The following GCNT2 variants were observed in gnomAD, a reference collection of about 807,000 sequenced individuals.
GCNT2 encodes the protein glucosaminyl (N-acetyl) transferase 2 (I blood group).
Under a neutral mutation model 34.2 loss-of-function variants are expected in GCNT2, and 34 were observed. The ratio of observed to expected loss-of-function variants is 1.00; its 90% CI spans 0.76 to 1.32. GCNT2 has a LOEUF of 1.32. Ranked by LOEUF, GCNT2 falls within the 40% of genes most tolerant of loss-of-function variation. GCNT2 has a pLI of 0.00. For synonymous variants in GCNT2, 212 were observed against 188.0 expected (o/e 1.13, Z -1.04); for missense variants, 584 against 489.4 (o/e 1.19, Z -1.82).
chr6:10,557,282 T>C, intron 3 of GCNT2: 1 of 1,613,292 alleles, frequency 6.2e-7, no homozygotes. Context: ...TTTGCTCCAG[T>C]GGTCCAAGGA....
intron 3 of GCNT2, among the ~76,000 whole-genome samples, chr6:10,554,117 C>T (rs536289127): frequency 6.6e-6 from 1 of 152,314 alleles, no homozygotes; most frequent in African/African-American, 2.4e-5. Context: ...GGAGGGCTGA[C>T]TTGTTCAGTC....
chr6:10,584,284 T>C (rs1185940222), intron 3 of GCNT2, among the ~76,000 whole-genome samples: 1 of 152,216 alleles, frequency 6.6e-6, no homozygotes, highest in Non-Finnish European at 1.5e-5. Context: ...GCTAGATTTA[T>C]ATTTAACTTT....
rs1249608111 is a variant in GCNT2, at chr6:10,627,179, A to G, written c.*572A>G. ...CTTACTCATGGACAAAGTTCTGTAT[A>G]TAGTATAAAGTCATTAACAAGAAAC... On this transcript the variant is annotated 3_prime_UTR_variant, in exon 5 of 5. Transcript: ENST00000495262. 2 of 158,084 alleles carry G rather than the reference A, an allele frequency of 1.3e-5. No individual in the cohort carries two copies. The highest frequency in any genetic ancestry group is 4.8e-5 in the African/African-American group (2 of 41,472). 9.8% of individuals were successfully genotyped at this position (158,084 alleles called of 1,614,324 possible). A position where few individuals can be genotyped will look rare whatever the true frequency, so the allele number is the denominator to read the frequency against.
At chr6:10,607,808 A>G (rs904896073) in intron 3 of GCNT2, among the ~76,000 whole-genome samples, 7 of 152,332 alleles carry the variant, frequency 4.6e-5, no homozygotes, top group Non-Finnish European at 1.0e-4. Flanking sequence ...GGTTTTAAGT[A>G]TATTATGTAC....
chr6:10,574,362 T>C (rs1168672914), intron 3 of GCNT2, among the ~76,000 whole-genome samples: 1 of 152,248 alleles, frequency 6.6e-6, no homozygotes, highest in Admixed American at 6.5e-5. Context: ...AGGTAGTTTC[T>C]ATTACCTTCA....
intron 3 of GCNT2, among the ~76,000 whole-genome samples, chr6:10,590,659 T>C (rs1764598739): frequency 6.6e-6 from 1 of 151,880 alleles, no homozygotes; most frequent in South Asian, 2.1e-4. Context: ...GTTCAAGCGA[T>C]TCTCCTGCCT....
chr6:10,586,859 A>C (rs572358396), intron 3 of GCNT2: 2 of 1,613,930 alleles, frequency 1.2e-6, no homozygotes, highest in African/African-American at 1.3e-5. Context: ...TACAATGGTC[A>C]AAAGATACCT....
chr6:10,523,972 CAAAAA>C (rs774638226), intron 1 of GCNT2, among the ~76,000 whole-genome samples: 10 of 68,360 alleles, frequency 1.5e-4, no homozygotes, highest in South Asian at 6.6e-4. Context: ...GACTCTGTCT[CAAAAA>C]AAAAAAAAAA....
At chr6:10,527,808 A>G (rs201378348) in intron 2 of GCNT2, 148 bp downstream of exon 2, 2 of 152,086 alleles carry the variant, frequency 1.3e-5, no homozygotes, top group Admixed American at 1.3e-4. Context: ...TGGACTCTGT[A>G]TATGTTATCT....
intron 3 of GCNT2, among the ~76,000 whole-genome samples, chr6:10,577,516 G>A (rs1050252477): frequency 1.3e-5 from 2 of 152,156 alleles, no homozygotes; most frequent in African/African-American, 4.8e-5. Context: ...TGGTTCCATG[G>A]TTTGTTGAAT....
chr6:10,530,836 C>T (rs567529443), intron 3 of GCNT2, among the ~76,000 whole-genome samples: 1 of 152,084 alleles, frequency 6.6e-6, no homozygotes, highest in African/African-American at 2.4e-5. Flanking sequence ...GGGCGGATCA[C>T]AAGGTCAGGA....
At chr6:10,526,989 TAGA>T (rs1203402061) in intron 1 of GCNT2, among the ~76,000 whole-genome samples, 1 of 152,030 alleles carries the variant, frequency 6.6e-6, no homozygotes, top group Non-Finnish European at 1.5e-5. Flanking sequence ...TAATAAAAGT[TAGA>T]AGATACATTG....
intron 3 of GCNT2, among the ~76,000 whole-genome samples, chr6:10,565,184 G>C (rs1481577216): frequency 6.6e-6 from 1 of 152,236 alleles, no homozygotes; most frequent in Admixed American, 6.5e-5. Context: ...GAACGAGGAT[G>C]AGAGCTGGAC....
chr6:10,620,061 C>T (rs1006979825), intron 3 of GCNT2, among the ~76,000 whole-genome samples: 1 of 152,202 alleles, frequency 6.6e-6, no homozygotes, highest in Non-Finnish European at 1.5e-5. Context: ...ATTTTAAGGT[C>T]AGCTGATCAG....
intron 3 of GCNT2, among the ~76,000 whole-genome samples, chr6:10,551,684 C>T (rs2113639009): frequency 6.6e-6 from 1 of 151,900 alleles, no homozygotes; most frequent in East Asian, 1.9e-4. Context: ...ACCTCGTGAT[C>T]CACCTGCCTT....
At chr6:10,615,837 G>C (rs1765735126) in intron 3 of GCNT2, among the ~76,000 whole-genome samples, 1 of 152,238 alleles carries the variant, frequency 6.6e-6, no homozygotes, top group African/African-American at 2.4e-5. Flanking sequence ...CTATGGCAGT[G>C]GTGGGAGTGT....
intron 3 of GCNT2, among the ~76,000 whole-genome samples, chr6:10,567,086 A>C (rs961461378): frequency 1.3e-5 from 2 of 152,224 alleles, no homozygotes; most frequent in African/African-American, 2.4e-5. Flanking sequence ...TGGGAGGCCA[A>C]GGCAGGAGGA....
intron 3 of GCNT2, among the ~76,000 whole-genome samples, chr6:10,598,456 C>T (rs1436341064): frequency 6.6e-6 from 1 of 152,154 alleles, no homozygotes; most frequent in Non-Finnish European, 1.5e-5. Flanking sequence ...AAACAATGGC[C>T]TCTGGGCATT....
At chr6:10,588,217 A>C (rs1024948431) in intron 3 of GCNT2, among the ~76,000 whole-genome samples, 1 of 152,218 alleles carries the variant, frequency 6.6e-6, no homozygotes, top group Non-Finnish European at 1.5e-5. Flanking sequence ...CTGTCAGGTC[A>C]CAAAGACTTG....
Sources: allele counts gnomAD v4.1 joint callset (sites outside exome capture counted in the v4.1 genomes callset), GRCh38; gene constraint gnomAD v4.1.1; transcripts MANE v1.5; gene names NCBI Gene and HGNC (gene_info 2026-07-23, HGNC 2026-07-21).